Variants in RYK observed in about 807,000 individuals in gnomAD.
RYK encodes the protein receptor like tyrosine kinase.
In RYK, 21 loss-of-function variants were observed where a neutral mutation model predicts 70.2. The observed-to-expected ratio is 0.30, with a 90% CI of 0.21 to 0.43. The LOEUF (loss-of-function observed/expected upper bound fraction) is 0.43, where lower values mean the gene tolerates loss of function less well. Among genes scored for constraint, RYK ranks in the 20% least tolerant of loss-of-function variants. The pLI, the probability that RYK is intolerant of heterozygous loss-of-function variation, is 1.00. For synonymous variants in RYK, 267 were observed against 278.0 expected (o/e 0.96, Z 0.39); for missense variants, 604 against 753.3 (o/e 0.80, Z 2.32).
intron 1 of RYK, among the ~76,000 whole-genome samples, chr3:134,234,311 A>C (rs1393945572): frequency 1.3e-5 from 2 of 152,152 alleles, no homozygotes; most frequent in Admixed American, 1.3e-4. Flanking sequence ...TTGGTATATT[A>C]ATGTTAACAC....
intron 9 of RYK, among the ~76,000 whole-genome samples, chr3:134,186,157 T>C (rs1426777416): frequency 6.6e-6 from 1 of 152,208 alleles, no homozygotes; most frequent in Admixed American, 6.5e-5. Flanking sequence ...AAGAACTTAA[T>C]ACCAGTAAAT....
chr3:134,203,661 T>A (rs904696736), intron 5 of RYK, among the ~76,000 whole-genome samples: 5 of 152,236 alleles, frequency 3.3e-5, no homozygotes, highest in African/African-American at 1.2e-4. Flanking sequence ...AAAAAGATTT[T>A]AAATAGAATT....
intron 1 of RYK, among the ~76,000 whole-genome samples, chr3:134,240,376 G>A (rs545958644): frequency 6.6e-6 from 1 of 152,104 alleles, no homozygotes; most frequent in East Asian, 1.9e-4. Flanking sequence ...ATATTATTAT[G>A]CCTTATTTTG....
chr3:134,189,979 T>C (rs763361899), intron 8 of RYK, among the ~76,000 whole-genome samples: 8 of 152,186 alleles, frequency 5.3e-5, no homozygotes, highest in Non-Finnish European at 1.0e-4. Flanking sequence ...AAGATAAGCT[T>C]GCAAATAGTT....
At chr3:134,217,659 A>G (rs1400344278) in intron 2 of RYK, among the ~76,000 whole-genome samples, 1 of 152,228 alleles carries the variant, frequency 6.6e-6, no homozygotes, top group Non-Finnish European at 1.5e-5. Flanking sequence ...GTATATATAC[A>G]TATATGCATG....
chr3:134,250,496 C>CG lies in RYK; in HGVS notation c.158dup (p.Glu54GlyfsTer27). On this transcript the variant is annotated frameshift_variant, in exon 1 of 15. Transcript: ENST00000623711. LOFTEE classifies it high-confidence loss of function. ...GCCCCGCGGAAGCCGACTGCAGCTC[C>CG]GGGGGCCGCGGGGCGGGGGCGGCGG... is the stretch of plus-strand genomic sequence containing the variant. 7.8e-7 allele frequency: 1 copy of CG among 1,278,248 alleles called. No individual in the cohort carries two copies. The highest frequency in any genetic ancestry group is 2.6e-5 in the South Asian group (1 of 37,856). The allele number at this position is 1,278,248 out of a possible 1,614,324, so 79.2% of individuals were successfully genotyped here.
chr3:134,200,162 C>T (rs1350640221), intron 6 of RYK, among the ~76,000 whole-genome samples: 3 of 152,052 alleles, frequency 2.0e-5, no homozygotes, highest in Non-Finnish European at 4.4e-5. Context: ...CCCTTCCACG[C>T]TGTGGAAGCT....
intron 1 of RYK, among the ~76,000 whole-genome samples, chr3:134,230,906 T>C (rs1457844675): frequency 6.6e-6 from 1 of 152,208 alleles, no homozygotes; most frequent in African/African-American, 2.4e-5. Context: ...CTCAAGAAGC[T>C]TGCAAAATCA....
chr3:134,175,590 T>TG lies in RYK; in HGVS notation c.1575+18dup. ...GCTGTTTCTCTATTCTTTTGCTATC[T>TG]GGGGGTCCCGGCACTTACCACATCA... On this transcript the variant is annotated intron_variant, in intron 13 of 14. Coordinates refer to ENST00000623711, the MANE Select transcript of RYK (RefSeq NM_002958.4). The TG allele has an allele frequency of 6.2e-7, 1 of 1,607,882 alleles. No homozygotes were observed. The highest frequency in any genetic ancestry group is 2.2e-5 in the East Asian group (1 of 44,802).
intron 11 of RYK, among the ~76,000 whole-genome samples, chr3:134,176,241 T>C (rs1382534491): frequency 1.3e-5 from 2 of 152,226 alleles, no homozygotes; most frequent in Non-Finnish European, 2.9e-5. Context: ...TATTATTCTG[T>C]AATCTACCAT....
chr3:134,193,585 T>C (rs546735207), intron 7 of RYK, among the ~76,000 whole-genome samples: 1 of 152,344 alleles, frequency 6.6e-6, no homozygotes, highest in South Asian at 2.1e-4. Flanking sequence ...TGAGCAAAGA[T>C]TGATATTTAA....
At chr3:134,229,909 A>T (rs116310180) in intron 1 of RYK, among the ~76,000 whole-genome samples, 2,890 of 152,318 alleles carry the variant, frequency 0.019, 42 homozygotes, top group Non-Finnish European at 0.025. Flanking sequence ...GAGGTGGAGT[A>T]ACTATTATAC....
chr3:134,221,871 G>A (rs972917995), intron 2 of RYK, among the ~76,000 whole-genome samples: 8 of 152,158 alleles, frequency 5.3e-5, no homozygotes, highest in African/African-American at 1.9e-4. Context: ...GCAGTCAGAG[G>A]CAATGTGAAG....
At chr3:134,246,349 G>T (rs7429840) in intron 1 of RYK, among the ~76,000 whole-genome samples, 54,271 of 122,160 alleles carry the variant, frequency 0.44, 13,368 homozygotes, top group Middle Eastern at 0.6. Flanking sequence ...CACACAGAGA[G>T]AGAGAAAATA....
chr3:134,207,444 T>C, intron 5 of RYK, 28 bp downstream of exon 5: 2 of 1,429,196 alleles, frequency 1.4e-6, no homozygotes, highest in Non-Finnish European at 1.9e-6. Context: ...TTTCTAATAA[T>C]GGATAAAGAT....
intron 13 of RYK, among the ~76,000 whole-genome samples, chr3:134,169,875 T>C (rs1318668291): frequency 6.6e-6 from 1 of 152,134 alleles, no homozygotes; most frequent in Non-Finnish European, 1.5e-5. Context: ...AAATAGAATA[T>C]TAAATGTAAC....
rs1484672482 is a variant in RYK at position 134,175,597 on chromosome 3, C to A, written c.1575+12G>T. The A allele has an allele frequency of 6.2e-7, 1 of 1,611,950 alleles. No individual in the cohort carries two copies. Among genetic ancestry groups the A allele is most frequent in the East Asian group, 2.2e-5 (1 of 44,840 alleles). On this transcript the variant is annotated intron_variant, in intron 13 of 14. Transcript: ENST00000623711. ...CTCTATTCTTTTGCTATCTGGGGGT[C>A]CCGGCACTTACCACATCACTAGCGC...
chr3:134,179,695 C>A (rs1368931314), intron 10 of RYK: 7 of 152,240 alleles, frequency 4.6e-5, no homozygotes, highest in Non-Finnish European at 1.0e-4. Flanking sequence ...TTTCCACCAA[C>A]TCCCATGAAT....
chr3:134,202,348 A>C (rs1268944735), intron 6 of RYK, among the ~76,000 whole-genome samples: 2 of 152,192 alleles, frequency 1.3e-5, no homozygotes, highest in African/African-American at 4.8e-5. Flanking sequence ...GCAGGTGCTC[A>C]ATACATGTTT....
Sources: gnomAD v4.1 joint callset for allele counts (sites outside exome capture counted in the v4.1 genomes callset) on GRCh38, gnomAD v4.1.1 for gene constraint, MANE v1.5 for transcripts, NCBI Gene and HGNC (gene_info 2026-07-23, HGNC 2026-07-21) for gene names.